SEMA4A: variants seen among roughly 807,000 people sequenced by gnomAD.
SEMA4A encodes the protein semaphorin 4A, also known as semaphorin-4A.
In SEMA4A, 52 loss-of-function variants were observed where a neutral mutation model predicts 72.5. The observed-to-expected ratio is 0.72, with a 90% confidence interval of 0.57 to 0.90. The LOEUF (loss-of-function observed/expected upper bound fraction) is 0.90. SEMA4A is among the 40% of genes least tolerant of loss of function. SEMA4A has a pLI of 0.00. For missense variants in SEMA4A, 926 were observed against 959.7 expected, an observed-to-expected ratio of 0.96 and a Z score of 0.46; for synonymous variants, 369 against 393.1, an observed-to-expected ratio of 0.94 and a Z score of 0.73.
intron 10 of SEMA4A, among the ~76,000 whole-genome samples, chr1:156,165,907 C>CTT (rs71080751): frequency 0.033 from 3,699 of 112,834 alleles, 368 homozygotes; most frequent in African/African-American, 0.11. Context: ...TTCCTATCTT[C>CTT]TTTTTTTTTT....
chr1:156,158,905 C>T (rs148736973), intron 6 of SEMA4A, 81 bp downstream of exon 6: 2 of 1,291,830 alleles, frequency 1.5e-6, no homozygotes, highest in African/African-American at 2.9e-5. Context: ...ACAGAGTTTT[C>T]CAAAAGGCAG....
In SEMA4A at chr1:156,170,568, A is replaced by G. The variant is rs994092149; in HGVS notation, c.1135-2258A>G. On this transcript the variant is annotated intron_variant, in intron 10 of 14. Transcript: ENST00000368285. ...TCAGATCGAGACCATCCTGGCTAACATGGTGAAACCCCATCTCTACTAAAA... is the reference window on the plus strand; with the variant it reads ...TCAGATCGAGACCATCCTGGCTAACGTGGTGAAACCCCATCTCTACTAAAA... Among the ~76,000 whole-genome samples, 8 of 148,714 alleles carry G rather than the reference A, an allele frequency of 5.4e-5. 1 individual carries two copies. The highest frequency in any genetic ancestry group is 1.7e-4 in the African/African-American group (7 of 40,270).
rs781046852 is a variant in SEMA4A at position 156,157,498 on chromosome 1, C to T, written c.301-572C>T. 3.3e-5 allele frequency among the ~76,000 whole-genome samples: 5 copies of T among 152,002 alleles called. No individual in the cohort carries two copies. The highest frequency in any genetic ancestry group is 5.9e-5 in the Non-Finnish European group (4 of 67,992). On this transcript the variant is annotated intron_variant, in intron 3 of 14. Coordinates refer to ENST00000368285, the MANE Select transcript of SEMA4A (RefSeq NM_022367.4). This position sits in a 1 kb window ranked among gnomAD's most constrained non-coding sequence, Gnocchi z 4.5. ...TGTGCCTGGCTGCTTCTGTCTTAGT[C>T]GCCCTATTAATGGGAACAATGTGAG...
intron 5 of SEMA4A, 48 bp from the exon 6 acceptor site, chr1:156,158,671 G>C: frequency 1.3e-6 from 2 of 1,490,408 alleles, no homozygotes; most frequent in Non-Finnish European, 1.9e-6. Flanking sequence ...TCATTTCCCA[G>C]ATGTGAGACC....
intron 10 of SEMA4A, among the ~76,000 whole-genome samples, chr1:156,165,450 G>C (rs11264449): frequency 0.28 from 42,567 of 151,754 alleles, 6,949 homozygotes; most frequent in Non-Finnish European, 0.36. Flanking sequence ...AACATTTTAA[G>C]ATCTTGAGTG....
intron 6 of SEMA4A, 21 bp from the exon 7 acceptor site, chr1:156,160,422 T>G: frequency 1.9e-6 from 3 of 1,586,146 alleles, no homozygotes; most frequent in Non-Finnish European, 2.6e-6. Context: ...CAGTTCTCTC[T>G]TCTCCTCTCC....
upstream of SEMA4A, among the ~76,000 whole-genome samples, chr1:156,152,330 T>C (rs1337736946): frequency 6.6e-6 from 1 of 152,074 alleles, no homozygotes; most frequent in Non-Finnish European, 1.5e-5. Context: ...AAGGTGGGAA[T>C]AGGACATCAG....
At chr1:156,168,443 C>T (rs964054605) in intron 10 of SEMA4A, among the ~76,000 whole-genome samples, 20 of 144,420 alleles carry the variant, frequency 1.4e-4, no homozygotes, top group African/African-American at 4.4e-4. Context: ...AGACTGGTCT[C>T]GAACTCCTGA....
chr1:156,158,928 G>T (rs1653314636), intron 6 of SEMA4A, 104 bp downstream of exon 6: 2 of 925,332 alleles, frequency 2.2e-6, no homozygotes, highest in Admixed American at 3.6e-5. Context: ...GAAACTGGGT[G>T]TGGTGATGCG....
intron 8 of SEMA4A, 28 bp from the exon 9 acceptor site, chr1:156,161,316 GGC>G: frequency 1.7e-6 from 2 of 1,209,534 alleles, no homozygotes; most frequent in Non-Finnish European, 2.3e-6. Context: ...GGGCGCCCGG[GGC>G]GCCCCCTGAC....
At position 156,153,706 on chromosome 1, in the gene SEMA4A, C is replaced by A; in HGVS notation, c.-88C>A. 1 of 152,538 alleles carries A rather than the reference C, an allele frequency of 6.6e-6. No individual in the cohort carries two copies. The allele number at this position is 152,538 out of a possible 1,614,324, so 9.4% of individuals were successfully genotyped here. A position where few individuals can be genotyped will look rare whatever the true frequency, so the allele number is the denominator to read the frequency against. ...CCTTCTTCTTTCTCCTGAATGGCAC[C>A]CCCGCCCTAGAATCCAGACACCGAG... On this transcript the variant is annotated 5_prime_UTR_variant, in exon 1 of 15. Coordinates refer to ENST00000368285, the MANE Select transcript of SEMA4A (RefSeq NM_022367.4).
rs1652737905 is a variant in SEMA4A, at chr1:156,153,734, T to C, written c.-60T>C. ...CGCCCTAGAATCCAGACACCGAGTTTCCCACTGTGGCTGGTTCAAGGGTAT... is the reference window on the plus strand; with the variant it reads ...CGCCCTAGAATCCAGACACCGAGTTCCCCACTGTGGCTGGTTCAAGGGTAT... On this transcript the variant is annotated 5_prime_UTR_variant, in exon 1 of 15. Transcript: ENST00000368285. 6.6e-6 allele frequency: 1 copy of C among 152,416 alleles called. No homozygotes were observed. Among genetic ancestry groups the C allele is most frequent in the South Asian group, 2.1e-4 (1 of 4,834 alleles). 9.4% of individuals were successfully genotyped at this position (152,416 alleles called of 1,614,324 possible).
Position 156,174,869 on chromosome 1 carries a change from C to T in SEMA4A, c.1363C>T (p.His455Tyr), listed in dbSNP as rs770846208. Reference protein sequence around the residue: ...KAVVSGDSSAHLVEEIQLFPD... With the variant: ...KAVVSGDSSAYLVEEIQLFPD... Reference sequence around the variant, plus strand: ...TGTGGTAAGTGGGGACAGCAGTGCTCATCTGGTGGAAGAGATTCAGCTGTT... The same window carrying T: ...TGTGGTAAGTGGGGACAGCAGTGCTTATCTGGTGGAAGAGATTCAGCTGTT... The change falls in exon 12 of 15, where the codon CAT becomes TAT. Residue 455 changes from histidine to tyrosine, a missense_variant. Coordinates refer to ENST00000368285, the MANE Select transcript of SEMA4A (RefSeq NM_022367.4). 1.2e-5 allele frequency: 19 copies of T among 1,614,056 alleles called. No individual in the cohort carries two copies. In the African/African-American group the frequency reaches 1.2e-4, roughly 10 times the overall value.
Position 156,176,779 on chromosome 1 carries a change from C to T in SEMA4A, c.2068C>T (p.Leu690Phe). The T allele has an allele frequency of 6.2e-7, 1 of 1,613,208 alleles. No individual in the cohort carries two copies. Among genetic ancestry groups the T allele is most frequent in the Non-Finnish European group, 8.5e-7 (1 of 1,179,240 alleles). Residue 690 changes from leucine to phenylalanine, a missense_variant, in exon 15 of 15, where the codon CTC (leucine) becomes TTC (phenylalanine). By Grantham distance (22) the Leu-to-Phe change is conservative. Coordinates refer to ENST00000368285, the MANE Select transcript of SEMA4A (RefSeq NM_022367.4). ...GCCCCACTTTGTCACTGTCACTGTC[C>T]TCTTTGCCTTAGTGCTTTCAGGAGC... ...YWPHFVTVTVLFALVLSGALI... is the reference protein window; with the variant it reads ...YWPHFVTVTVFFALVLSGALI...
At chr1:156,162,823 G>A in intron 9 of SEMA4A, 121 bp from the exon 10 acceptor site, 1 of 1,235,646 alleles carries the variant, frequency 8.1e-7, no homozygotes, top group East Asian at 2.4e-5. Flanking sequence ...AGTGGTAGCT[G>A]GAGGCTGGCC....
In SEMA4A at chr1:156,153,769, G is replaced by A. The variant is rs1042446012; in HGVS notation, c.-30+5G>A. 6 of 152,504 alleles carry A rather than the reference G, an allele frequency of 3.9e-5. No individual in the cohort carries two copies. Among genetic ancestry groups the A allele is most frequent in the African/African-American group, 1.4e-4 (6 of 41,470 alleles). 9.4% of individuals were successfully genotyped at this position (152,504 alleles called of 1,614,324 possible). On this transcript the variant is annotated splice_donor_5th_base_variant and intron_variant, in intron 1 of 14. Coordinates refer to ENST00000368285, the MANE Select transcript of SEMA4A (RefSeq NM_022367.4). ...GCTGGTTCAAGGGTATGTGAGGTGA[G>A]ATGGGTGGCTTGGGGTGGGTGGTCT...
At chr1:156,161,313 C>CCCCCCCG in intron 8 of SEMA4A, 33 bp from the exon 9 acceptor site, 1 of 757,764 alleles carries the variant, frequency 1.3e-6, no homozygotes, top group Non-Finnish European at 1.9e-6. Flanking sequence ...TCGGGGCGCC[C>CCCCCCCG]GGGGCGCCCC....
intron 2 of SEMA4A, 199 bp downstream of exon 2, chr1:156,154,916 C>T (rs1391094775): frequency 2.8e-6 from 2 of 709,578 alleles, no homozygotes; most frequent in East Asian, 2.8e-5. Context: ...AGAAAAGCCA[C>T]TGGAGAGCAG....
intron 10 of SEMA4A, among the ~76,000 whole-genome samples, chr1:156,166,032 G>A (rs1029594239): frequency 2.7e-5 from 4 of 148,466 alleles, no homozygotes; most frequent in South Asian, 4.3e-4. Flanking sequence ...TCAGCTTCCC[G>A]AGTAGCTGGG....
Sources: gnomAD v4.1 joint callset for allele counts (sites outside exome capture counted in the v4.1 genomes callset) on GRCh38, gnomAD v4.1.1 for gene constraint, Gnocchi (gnomAD v3.1) non-coding constraint, MANE v1.5 for transcripts, NCBI Gene and HGNC (gene_info 2026-07-23, HGNC 2026-07-21) for gene names.